The following DOP1A variants were observed in gnomAD, a reference collection of about 807,000 sequenced individuals.
DOP1A encodes DOP1 leucine zipper like protein A.
DOP1A carries 90 observed loss-of-function variants against 267.6 expected under a neutral mutation model. The ratio of observed to expected loss-of-function variants is 0.34; its 90% CI spans 0.28 to 0.40. DOP1A has a LOEUF of 0.40. DOP1A is among the 10% of genes least tolerant of loss of function. The pLI is 1.00. For missense variants in DOP1A, 2,437 were observed against 2,900.4 expected (o/e 0.84, Z 3.67); for synonymous variants, 932 against 999.1 (o/e 0.93, Z 1.27).
chr6:83,076,291 A>T (rs914400137), intron 1 of DOP1A, among the ~76,000 whole-genome samples: 2 of 152,158 alleles, frequency 1.3e-5, no homozygotes, highest in African/African-American at 4.8e-5. Flanking sequence ...TGGGAGGCCG[A>T]GGTGGGTGGA....
chr6:83,120,819 G>A (rs372135827), intron 10 of DOP1A, 28 bp downstream of exon 10: 3 of 1,397,628 alleles, frequency 2.1e-6, no homozygotes, highest in African/African-American at 2.8e-5. Context: ...AGGGCATAAG[G>A]TCATGTGTGG....
chr6:83,078,533 C>T (rs146533301), intron 1 of DOP1A, among the ~76,000 whole-genome samples: 2 of 152,092 alleles, frequency 1.3e-5, no homozygotes, highest in African/African-American at 4.8e-5. Flanking sequence ...TTAAACTGCT[C>T]CAAATGAAAT....
At chr6:83,119,457 G>A (rs1775997671) in intron 8 of DOP1A, among the ~76,000 whole-genome samples, 1 of 152,096 alleles carries the variant, frequency 6.6e-6, no homozygotes, top group African/African-American at 2.4e-5. Flanking sequence ...TGCCTAGAGT[G>A]AGGGGACATA....
At chr6:83,159,349 T>C (rs1783650785) in intron 36 of DOP1A, among the ~76,000 whole-genome samples, 1 of 152,144 alleles carries the variant, frequency 6.6e-6, no homozygotes, top group African/African-American at 2.4e-5. Flanking sequence ...TCCTGGCTCA[T>C]TGCAGCCTCG....
intron 38 of DOP1A, chr6:83,164,557 T>A: frequency 9.2e-7 from 1 of 1,083,428 alleles, no homozygotes; most frequent in South Asian, 1.4e-5. Flanking sequence ...CTATTTTGAT[T>A]GAAAGGCATC....
At chr6:83,076,087 A>G (rs1283961837) in intron 1 of DOP1A, among the ~76,000 whole-genome samples, 1 of 152,244 alleles carries the variant, frequency 6.6e-6, no homozygotes, top group Non-Finnish European at 1.5e-5. Context: ...CATGTGTTTG[A>G]TAAGAGGCTA....
intron 35 of DOP1A, among the ~76,000 whole-genome samples, chr6:83,157,707 C>G (rs1196367077): frequency 6.6e-6 from 1 of 152,196 alleles, no homozygotes; most frequent in Non-Finnish European, 1.5e-5. Context: ...ACTGCTCTGA[C>G]ATATTACATA....
At chr6:83,120,104 T>C (rs2128212862) in intron 9 of DOP1A, among the ~76,000 whole-genome samples, 1 of 152,124 alleles carries the variant, frequency 6.6e-6, no homozygotes, top group Middle Eastern at 3.4e-3. Flanking sequence ...TAAAACATAG[T>C]TGTAGCTTCT....
intron 30 of DOP1A, 45 bp from the exon 31 acceptor site, chr6:83,153,466 C>A: frequency 1.6e-6 from 2 of 1,271,886 alleles, no homozygotes; most frequent in South Asian, 1.4e-5. Flanking sequence ...GGGATGATGT[C>A]AGTTTCACCT....
At chr6:83,169,962 A>G, downstream of DOP1A, 1 of 381,958 alleles carries the variant, frequency 2.6e-6, no homozygotes, top group Non-Finnish European at 5.0e-6. Context: ...GGTTGTTTTC[A>G]TGTCACAAGA....
chr6:83,121,433 A>AT (rs2128217244), intron 10 of DOP1A, among the ~76,000 whole-genome samples: 1 of 151,790 alleles, frequency 6.6e-6, no homozygotes, highest in East Asian at 1.9e-4. Context: ...AAGCTCAGGA[A>AT]TTTTTTTAAG....
chr6:83,090,312 G>A (rs934375221), intron 1 of DOP1A, among the ~76,000 whole-genome samples: 1 of 152,216 alleles, frequency 6.6e-6, no homozygotes, highest in Non-Finnish European at 1.5e-5. Flanking sequence ...CAGCTGCTAA[G>A]TAAGTATTAG....
intron 1 of DOP1A, among the ~76,000 whole-genome samples, chr6:83,080,110 T>C: frequency 1.2e-4 from 1 of 8,186 alleles, no homozygotes; most frequent in Middle Eastern, 0.1. Flanking sequence ...TTAGGCTGAT[T>C]TTTTTTCCCC....
chr6:83,074,495 T>C (rs905919706), intron 1 of DOP1A, among the ~76,000 whole-genome samples: 3 of 151,994 alleles, frequency 2.0e-5, no homozygotes, highest in African/African-American at 4.8e-5. Flanking sequence ...CTTTTCAACT[T>C]TACACTCGTG....
intron 1 of DOP1A, among the ~76,000 whole-genome samples, chr6:83,087,245 G>A (rs183531790): frequency 3.3e-5 from 5 of 152,268 alleles, no homozygotes; most frequent in Admixed American, 2.6e-4. Flanking sequence ...GACAGTATTA[G>A]GATTTTGAGA....
intron 1 of DOP1A, among the ~76,000 whole-genome samples, chr6:83,090,405 C>T (rs1008327823): frequency 6.6e-6 from 1 of 152,092 alleles, no homozygotes; most frequent in Non-Finnish European, 1.5e-5. Flanking sequence ...TTTTCATCGC[C>T]TGGGGTTTCT....
At chr6:83,169,573 C>T, downstream of DOP1A, 2 of 500,992 alleles carry the variant, frequency 4.0e-6, no homozygotes, top group African/African-American at 1.9e-5. Context: ...AAATAGCTAT[C>T]ATTCCACAAC....
At chr6:83,166,490 T>C (rs1170334606) in intron 38 of DOP1A, 1 of 698,682 alleles carries the variant, frequency 1.4e-6, no homozygotes, top group Admixed American at 2.0e-5. Context: ...AGAAAATCGC[T>C]AAATTTGATT....
intron 36 of DOP1A, among the ~76,000 whole-genome samples, chr6:83,159,139 G>A (rs1182099422): frequency 5.9e-5 from 9 of 152,092 alleles, no homozygotes; most frequent in African/African-American, 2.2e-4. Flanking sequence ...TTCTTCAGTA[G>A]TAGATTTATA....
Sources: gnomAD v4.1 joint callset for allele counts (sites outside exome capture counted in the v4.1 genomes callset) on GRCh38, gnomAD v4.1.1 for gene constraint, MANE v1.5 for transcripts, NCBI Gene and HGNC (gene_info 2026-07-23, HGNC 2026-07-21) for gene names.